FAT3: variants seen among roughly 807,000 people sequenced by gnomAD.
FAT3 encodes the protein FAT atypical cadherin 3.
FAT3 carries 95 observed loss-of-function variants against 310.2 expected under a neutral mutation model. The observed-to-expected ratio is 0.31, with a 90% confidence interval of 0.26 to 0.36. The LOEUF (loss-of-function observed/expected upper bound fraction) is 0.36. Among genes scored for constraint, FAT3 ranks in the 10% least tolerant of loss-of-function variants. The probability of loss-of-function intolerance (pLI) is 1.00; values close to 1 mark genes in which losing one functional copy is unlikely to be tolerated. For synonymous variants in FAT3, 2,314 were observed against 2,192.9 expected (o/e 1.06, Z -1.54); for missense variants, 5,408 against 5,715.6 (o/e 0.95, Z 1.74).
chr11:92,228,421 T>C (rs1389688995), intron 1 of FAT3, among the ~76,000 whole-genome samples: 3 of 152,208 alleles, frequency 2.0e-5, no homozygotes, highest in African/African-American at 7.2e-5. Flanking sequence ...CCCACTGACC[T>C]GTATGCTATA....
intron 2 of FAT3, among the ~76,000 whole-genome samples, chr11:92,440,348 G>A (rs891092586): frequency 6.6e-6 from 1 of 152,198 alleles, no homozygotes; most frequent in African/African-American, 2.4e-5. Context: ...GTGCTGCTGG[G>A]AGCTCTGTAA....
intron 2 of FAT3, among the ~76,000 whole-genome samples, chr11:92,468,923 A>G (rs1454652764): frequency 6.6e-6 from 1 of 152,186 alleles, no homozygotes; most frequent in Non-Finnish European, 1.5e-5. Flanking sequence ...GCCAATCTCT[A>G]TAAATTATTA....
Position 92,747,606 on chromosome 11 carries a change from A to G in FAT3, c.3670-14250A>G, listed in dbSNP as rs1224088586. 2.0e-5 allele frequency among the ~76,000 whole-genome samples: 3 copies of G among 152,202 alleles called. No homozygotes were observed. The South Asian group carries it at 6.2e-4, about 31-fold the overall frequency. Reference sequence around the variant, plus strand: ...AGCTGGCTTGAATTTCTTCCCAAAAACTGGGTTTTTCTTTTCTATCGCATT... The same window carrying G: ...AGCTGGCTTGAATTTCTTCCCAAAAGCTGGGTTTTTCTTTTCTATCGCATT... On this transcript the variant is annotated intron_variant, in intron 4 of 27. Transcript: ENST00000525166.
At chr11:92,297,066 A>G (rs1024948601) in intron 1 of FAT3, among the ~76,000 whole-genome samples, 1 of 152,104 alleles carries the variant, frequency 6.6e-6, no homozygotes, top group Non-Finnish European at 1.5e-5. Context: ...AAGCAAAGCA[A>G]TATGTAAGAG....
At chr11:92,629,391 ATTACC>A (rs1466824578) in intron 3 of FAT3, among the ~76,000 whole-genome samples, 76 of 144,640 alleles carry the variant, frequency 5.3e-4, no homozygotes, top group African/African-American at 1.8e-3. Context: ...TGTTGGCACT[ATTACC>A]TCTCCTTCCC....
intron 3 of FAT3, among the ~76,000 whole-genome samples, chr11:92,552,961 T>A (rs2846190): frequency 0.32 from 21,414 of 66,832 alleles, 1,860 homozygotes; most frequent in East Asian, 0.54. Context: ...CAAAAAAAAA[T>A]AAAAGAAAAG....
intron 2 of FAT3, among the ~76,000 whole-genome samples, chr11:92,434,158 A>G (rs960458403): frequency 7.2e-5 from 11 of 152,076 alleles, no homozygotes; most frequent in African/African-American, 2.4e-4. Flanking sequence ...TGGATCCAGC[A>G]CTCAAAGAAC....
chr11:92,333,031 C>A (rs922252670), intron 1 of FAT3, among the ~76,000 whole-genome samples: 1 of 152,092 alleles, frequency 6.6e-6, no homozygotes, highest in Non-Finnish European at 1.5e-5. Context: ...GTGATCTCAG[C>A]GTTAAAAAAC....
intron 2 of FAT3, among the ~76,000 whole-genome samples, chr11:92,405,318 A>G (rs569250421): frequency 6.6e-6 from 1 of 152,298 alleles, no homozygotes; most frequent in Non-Finnish European, 1.5e-5. Context: ...GAGCATCCTT[A>G]CAACAGCATC....
intron 2 of FAT3, among the ~76,000 whole-genome samples, chr11:92,440,282 G>A (rs1951036823): frequency 6.6e-6 from 1 of 152,180 alleles, no homozygotes; most frequent in Non-Finnish European, 1.5e-5. Context: ...GGAAAGGAAA[G>A]GAGTCAGTAA....
chr11:92,868,818 A>C (rs1949311554), intron 22 of FAT3, among the ~76,000 whole-genome samples: 1 of 152,214 alleles, frequency 6.6e-6, no homozygotes, highest in Admixed American at 6.5e-5. Flanking sequence ...GAAATCCTTA[A>C]GCTAAGTATT....
intron 2 of FAT3, among the ~76,000 whole-genome samples, chr11:92,517,128 C>T (rs1019317313): frequency 6.6e-6 from 1 of 152,126 alleles, no homozygotes; most frequent in Non-Finnish European, 1.5e-5. Flanking sequence ...TTGGAAAAAA[C>T]TACTTTAAAT....
At position 92,800,976 on chromosome 11, in the gene FAT3, C is replaced by G. The variant is rs766850659; in HGVS notation, c.7963C>G (p.Pro2655Ala). Residue 2655 changes from proline to alanine, a missense_variant, in exon 10 of 28, where the codon CCT becomes GCT. This residue lies in a region of FAT3 where 4,588 missense variants were observed against 4,809.8 expected (regional missense o/e 0.95). Coordinates refer to ENST00000525166, the MANE Select transcript of FAT3 (RefSeq NM_001367949.2). ...AGTGGCCGACCTCCTGGAAATCGATCCTGACAATGGCTGGATGGTCACAAA... is the reference window on the plus strand; with the variant it reads ...AGTGGCCGACCTCCTGGAAATCGATGCTGACAATGGCTGGATGGTCACAAA... ...VSVADLLEID[P>A]DNGWMVTKGN... 1 of 1,613,296 alleles carries G rather than the reference C, an allele frequency of 6.2e-7. No homozygotes were observed. Among genetic ancestry groups the G allele is most frequent in the Non-Finnish European group, 8.5e-7 (1 of 1,179,618 alleles).
chr11:92,403,777 C>G (rs1331973513), intron 2 of FAT3, among the ~76,000 whole-genome samples: 1 of 152,126 alleles, frequency 6.6e-6, no homozygotes, highest in Non-Finnish European at 1.5e-5. Context: ...TGGTTCGCAC[C>G]TGTAATCCAA....
chr11:92,381,279 G>A (rs1345598107), intron 2 of FAT3, among the ~76,000 whole-genome samples: 1 of 152,194 alleles, frequency 6.6e-6, no homozygotes, highest in Non-Finnish European at 1.5e-5. Context: ...GGAGGCCGAG[G>A]CAGGTGGATC....
intron 2 of FAT3, among the ~76,000 whole-genome samples, chr11:92,364,946 A>G (rs10765546): frequency 0.077 from 11,763 of 152,250 alleles, 658 homozygotes; most frequent in African/African-American, 0.15. Context: ...TTGAACTGAA[A>G]GTGATTAAAA....
At chr11:92,435,472 T>A (rs368233229) in intron 2 of FAT3, among the ~76,000 whole-genome samples, 2 of 111,846 alleles carry the variant, frequency 1.8e-5, no homozygotes, top group African/African-American at 1.3e-4. Flanking sequence ...TTATTTATCC[T>A]TCCTTCCTTC....
chr11:92,379,776 T>C (rs1414907067), intron 2 of FAT3, among the ~76,000 whole-genome samples: 2 of 152,204 alleles, frequency 1.3e-5, no homozygotes, highest in African/African-American at 4.8e-5. Flanking sequence ...TTTATGTTTG[T>C]CACTGTTTCA....
rs958002691 is a variant in FAT3, at chr11:92,831,868, T to C, written c.9728T>C (p.Val3243Ala). 3.5e-5 allele frequency: 56 copies of C among 1,613,440 alleles called. No homozygotes were observed. The highest frequency in any genetic ancestry group is 4.4e-5 in the Non-Finnish European group (52 of 1,179,748). The change falls in exon 14 of 28, where the codon GTG becomes GCG. Residue 3243 changes from valine to alanine, a missense_variant. Val to Ala is a moderately conservative substitution (Grantham distance 64, BLOSUM62 0). Coordinates refer to ENST00000525166, the MANE Select transcript of FAT3 (RefSeq NM_001367949.2). Reference protein sequence around the residue: ...PPVFERRDYLVTVPEDTSPGT... With the variant: ...PPVFERRDYLATVPEDTSPGT... Reference sequence around the variant, plus strand: ...GTGTTTGAGAGGAGGGACTACCTGGTGACGGTGCCTGAGGACACCTCCCCT... The same window carrying C: ...GTGTTTGAGAGGAGGGACTACCTGGCGACGGTGCCTGAGGACACCTCCCCT...
Sources: allele counts gnomAD v4.1 joint callset (sites outside exome capture counted in the v4.1 genomes callset), GRCh38; gene constraint gnomAD v4.1.1; regional missense constraint gnomAD v4.1.1; transcripts MANE v1.5; gene names NCBI Gene and HGNC (gene_info 2026-07-23, HGNC 2026-07-21).